The following PIGN variants were observed in gnomAD, a reference collection of about 807,000 sequenced individuals.
PIGN encodes phosphatidylinositol glycan anchor biosynthesis class N.
A neutral mutation model predicts 125.4 loss-of-function variants in PIGN; 117 were observed. The observed-to-expected ratio is 0.93, with a 90% CI of 0.80 to 1.09. The LOEUF (loss-of-function observed/expected upper bound fraction) is 1.09, where lower values mean the gene tolerates loss of function less well. Ranked by LOEUF, PIGN falls within the 50% of genes least tolerant of loss-of-function variation. The pLI, the probability that PIGN is intolerant of heterozygous loss-of-function variation, is 0.00. For missense variants in PIGN, 1,075 were observed against 1,094.9 expected (o/e 0.98, Z 0.26); for synonymous variants, 392 against 377.8 (o/e 1.04, Z -0.44).
chr18:62,064,146 G>A (rs1440388937), intron 30 of PIGN, among the ~76,000 whole-genome samples: 2 of 152,206 alleles, frequency 1.3e-5, no homozygotes, highest in East Asian at 1.9e-4. Context: ...TTGGCATAAT[G>A]TTTCCTGTCA....
At chr18:62,159,519 T>C (rs2036862872) in intron 4 of PIGN, among the ~76,000 whole-genome samples, 1 of 152,228 alleles carries the variant, frequency 6.6e-6, no homozygotes, top group Non-Finnish European at 1.5e-5. Context: ...TTTAATTATT[T>C]CTAGAAATTT....
At chr18:62,019,260 A>C (rs1188414302) in intron 23 of PIGN, among the ~76,000 whole-genome samples, 5 of 152,248 alleles carry the variant, frequency 3.3e-5, no homozygotes, top group African/African-American at 1.2e-4. Context: ...ACAAACTTGT[A>C]GCCTTCATAA....
chr18:62,089,853 T>A (rs541784714), intron 24 of PIGN, among the ~76,000 whole-genome samples: 1 of 152,268 alleles, frequency 6.6e-6, no homozygotes, highest in Admixed American at 6.5e-5. Flanking sequence ...TTCTCAGAAT[T>A]ACCATCAGCT....
rs1808513460 is a variant in PIGN at position 62,114,545 on chromosome 18, A to C, written c.1251+16T>G. ...TGATAATCAGCTATTTATGTCTATA[A>C]GGCCGGTATACTTACCACTTCATCA... On this transcript the variant is annotated intron_variant, in intron 15 of 30. Coordinates refer to ENST00000640252, the MANE Select transcript of PIGN (RefSeq NM_176787.5). 7.0e-7 allele frequency: 1 copy of C among 1,428,578 alleles called. No individual in the cohort carries two copies. Among genetic ancestry groups the C allele is most frequent in the Non-Finnish European group, 9.7e-7 (1 of 1,034,590 alleles). 88.5% of individuals were successfully genotyped at this position (1,428,578 alleles called of 1,614,324 possible).
chr18:62,072,035 A>C (rs1324103558), intron 30 of PIGN, among the ~76,000 whole-genome samples: 1 of 149,178 alleles, frequency 6.7e-6, no homozygotes, highest in African/African-American at 2.4e-5. Flanking sequence ...CAAGATGTGG[A>C]AATAAAAATC....
intron 23 of PIGN, among the ~76,000 whole-genome samples, chr18:62,024,534 A>G (rs1219438903): frequency 1.3e-5 from 2 of 152,082 alleles, no homozygotes; most frequent in African/African-American, 2.4e-5. Context: ...CCTCCTCTCT[A>G]TAGTCCTTCT....
At chr18:62,085,379 A>G (rs991643466) in intron 25 of PIGN, 115 bp from the exon 26 acceptor site, 2 of 718,758 alleles carry the variant, frequency 2.8e-6, no homozygotes, top group Admixed American at 2.5e-5. Context: ...TACTTGTACC[A>G]TGAATTGTTT....
At chr18:62,076,902 A>C (rs1387652577) in intron 28 of PIGN, among the ~76,000 whole-genome samples, 1 of 152,118 alleles carries the variant, frequency 6.6e-6, no homozygotes, top group African/African-American at 2.4e-5. Context: ...TGAATTCCCA[A>C]AGTATCAATC....
rs2037028867 is a variant in PIGN, at chr18:62,163,552, G to A, written c.-131C>T. ...TTACCTTCCAGGTTTATCATCATCT[G>A]TTCAAAAAGATTTAGCTTTTAAGGA... On this transcript the variant is annotated 5_prime_UTR_variant, in exon 2 of 31. Transcript: ENST00000640252. 6.6e-6 allele frequency: 1 copy of A among 152,078 alleles called. No homozygotes were observed. The allele number at this position is 152,078 out of a possible 1,614,324, so 9.4% of individuals were successfully genotyped here. A position where few individuals can be genotyped will look rare whatever the true frequency, so the allele number is the denominator to read the frequency against.
At chr18:62,031,901 A>T (rs528002031) in intron 23 of PIGN, among the ~76,000 whole-genome samples, 2 of 152,218 alleles carry the variant, frequency 1.3e-5, no homozygotes, top group East Asian at 3.9e-4. Flanking sequence ...CACAGTTCCA[A>T]AGTCCTATAT....
At chr18:62,064,306 C>T (rs931581622) in intron 30 of PIGN, among the ~76,000 whole-genome samples, 2 of 152,188 alleles carry the variant, frequency 1.3e-5, no homozygotes, top group African/African-American at 2.4e-5. Context: ...AAGAGTCATA[C>T]ACTTCCAGGA....
intron 28 of PIGN, among the ~76,000 whole-genome samples, chr18:62,077,755 T>C (rs2033248376): frequency 6.6e-6 from 1 of 152,164 alleles, no homozygotes; most frequent in African/African-American, 2.4e-5. Flanking sequence ...TCTCTCCCCT[T>C]ATGGAGTTCA....
rs750326105 is a variant in PIGN, at chr18:62,156,338, A to AT, written c.442+790dup. ...TAACTATATATTTTAACACTTAAAT[A>AT]TTTTTTTTGAGATAGGGTGTTGCTC... On this transcript the variant is annotated intron_variant, in intron 6 of 30. Coordinates refer to ENST00000640252, the MANE Select transcript of PIGN (RefSeq NM_176787.5). Among the ~76,000 whole-genome samples the AT allele has an allele frequency of 1.3e-3, 191 of 150,698 alleles. 1 individual carries two copies. The highest frequency in any genetic ancestry group is 1.9e-3 in the South Asian group (9 of 4,800).
intron 23 of PIGN, among the ~76,000 whole-genome samples, chr18:62,033,105 C>T (rs2030212919): frequency 6.6e-6 from 1 of 152,220 alleles, no homozygotes. Context: ...ATTGCAGTTT[C>T]CTTGGATGCC....
intron 28 of PIGN, among the ~76,000 whole-genome samples, chr18:62,076,849 A>G (rs1471770650): frequency 1.3e-5 from 2 of 152,224 alleles, no homozygotes; most frequent in African/African-American, 2.4e-5. Flanking sequence ...AAGAGTTTGT[A>G]GAGAATGCAA....
intron 30 of PIGN, among the ~76,000 whole-genome samples, chr18:62,047,827 G>GA (rs1293371589): frequency 1.3e-5 from 2 of 151,954 alleles, no homozygotes; most frequent in Non-Finnish European, 2.9e-5. Context: ...CAAGCAGAAT[G>GA]AAAAAAGACA....
At chr18:62,123,926 GAAAA>G (rs35754523) in intron 14 of PIGN, among the ~76,000 whole-genome samples, 1 of 147,494 alleles carries the variant, frequency 6.8e-6, no homozygotes, top group African/African-American at 2.5e-5. Context: ...CTATAAAAAT[GAAAA>G]AAAAAAAGTG....
intron 20 of PIGN, chr18:62,104,998 AT>A (rs2034581079): frequency 6.6e-6 from 1 of 152,228 alleles, no homozygotes; most frequent in Non-Finnish European, 1.5e-5. Context: ...ACAGTAAGGA[AT>A]TTAGGTAAGA....
intron 14 of PIGN, chr18:62,135,507 A>C (rs896834768): frequency 6.6e-6 from 1 of 151,990 alleles, no homozygotes; most frequent in African/African-American, 2.4e-5. Flanking sequence ...GGGGAAGTCT[A>C]TGATCAGTTA....
Sources: allele counts gnomAD v4.1 joint callset (sites outside exome capture counted in the v4.1 genomes callset), GRCh38; gene constraint gnomAD v4.1.1; transcripts MANE v1.5; gene names NCBI Gene and HGNC (gene_info 2026-07-23, HGNC 2026-07-21).